The following SLC29A3 variants were observed in gnomAD, a reference collection of about 807,000 sequenced individuals.
SLC29A3 encodes equilibrative nucleoside transporter 3.
A neutral mutation model predicts 25.4 loss-of-function variants in SLC29A3; 18 were observed. The ratio of observed to expected loss-of-function variants is 0.71; its 90% CI spans 0.49 to 1.05. The LOEUF is 1.05. SLC29A3 is among the 50% of genes least tolerant of loss of function. The pLI is 0.00. For missense variants in SLC29A3, 586 were observed against 609.0 expected (o/e 0.96, Z 0.40); for synonymous variants, 258 against 267.1 (o/e 0.97, Z 0.33).
chr10:71,326,693 G>A (rs970232322), intron 2 of SLC29A3, among the ~76,000 whole-genome samples: 38 of 152,242 alleles, frequency 2.5e-4, no homozygotes, highest in South Asian at 1.4e-3. Flanking sequence ...CCCTCGCCTC[G>A]TGTACTGCTT....
chr10:71,336,558 A>G (rs901033674), intron 2 of SLC29A3, among the ~76,000 whole-genome samples: 25 of 151,900 alleles, frequency 1.6e-4, no homozygotes, highest in African/African-American at 5.6e-4. Context: ...TCCTGGAGGC[A>G]GCAAAGTTAA....
chr10:71,356,329 C>T (rs1250469726), intron 5 of SLC29A3, 86 bp downstream of exon 5: 1 of 1,515,886 alleles, frequency 6.6e-7, no homozygotes, highest in African/African-American at 1.4e-5. Flanking sequence ...TCTATGCTGG[C>T]TTCTTTGTCT....
At chr10:71,333,994 C>T (rs1039828628) in intron 2 of SLC29A3, among the ~76,000 whole-genome samples, 5 of 152,300 alleles carry the variant, frequency 3.3e-5, no homozygotes, top group East Asian at 1.9e-4. Flanking sequence ...AAGGCTTGGC[C>T]GAGGCAGGGT....
chr10:71,377,373 G>C (rs1342317853), intron 4 of SLC29A3, among the ~76,000 whole-genome samples: 1 of 152,242 alleles, frequency 6.6e-6, no homozygotes, highest in African/African-American at 2.4e-5. Flanking sequence ...TGGCTATGCC[G>C]AGCCCGCCGC....
At chr10:71,360,536 G>A (rs12243650) in intron 5 of SLC29A3, among the ~76,000 whole-genome samples, 5 of 152,364 alleles carry the variant, frequency 3.3e-5, no homozygotes, top group Admixed American at 3.3e-4. Flanking sequence ...GCCTCTGGTA[G>A]AGATGAACAG....
chr10:71,365,431 G>C (rs900035088), downstream of SLC29A3: 1 of 144,264 alleles, frequency 6.9e-6, no homozygotes, highest in African/African-American at 2.5e-5. Context: ...ATCTCCATTA[G>C]AGAGATGATT....
chr10:71,371,659 CTA>C (rs1564546522), intron 3 of SLC29A3, among the ~76,000 whole-genome samples: 2 of 152,300 alleles, frequency 1.3e-5, no homozygotes, highest in Admixed American at 6.5e-5. Context: ...AACCCCGACT[CTA>C]TGTCTTATTA....
chr10:71,363,346 G>A lies in SLC29A3; in HGVS notation c.*738G>A. The A allele has an allele frequency of 2.2e-6, 1 of 454,140 alleles. No individual in the cohort carries two copies. Among genetic ancestry groups the A allele is most frequent in the Non-Finnish European group, 4.4e-6 (1 of 226,802 alleles). The allele number at this position is 454,140 out of a possible 1,614,324, so 28.1% of individuals were successfully genotyped here. On this transcript the variant is annotated 3_prime_UTR_variant, in exon 6 of 6. Coordinates refer to ENST00000373189, the MANE Select transcript of SLC29A3 (RefSeq NM_018344.6). Reference sequence around the variant, plus strand: ...GTGTTCCTGTTTACAACATGTCAAAGCCATTGGTTCAAGGGCGTAATAAAT... The same window carrying A: ...GTGTTCCTGTTTACAACATGTCAAAACCATTGGTTCAAGGGCGTAATAAAT...
At chr10:71,377,805 G>T (rs1589249057) in intron 4 of SLC29A3, among the ~76,000 whole-genome samples, 1 of 152,144 alleles carries the variant, frequency 6.6e-6, no homozygotes. Flanking sequence ...ACTTACTGTC[G>T]GCCTGGCTCT....
intron 5 of SLC29A3, among the ~76,000 whole-genome samples, chr10:71,356,642 C>T (rs925691504): frequency 9.9e-5 from 15 of 152,006 alleles, no homozygotes; most frequent in Non-Finnish European, 1.9e-4. Context: ...TTCTGGGCAA[C>T]ACAGTGAGAC....
Position 71,330,828 on chromosome 10 carries a change from G to A in SLC29A3, c.300+7774G>A, listed in dbSNP as rs141083805. Among the ~76,000 whole-genome samples, 207 of 150,904 alleles carry A rather than the reference G, an allele frequency of 1.4e-3. 1 individual carries two copies. Among genetic ancestry groups the A allele is most frequent in the Middle Eastern group, 6.9e-3 (2 of 290 alleles). ...CAATATTTATTAAGCAATCTACTGT[G>A]TACTAGAAGCTTTTTTTTTCATGAT... On this transcript the variant is annotated intron_variant, in intron 2 of 5. Transcript: ENST00000373189.
intron 2 of SLC29A3, among the ~76,000 whole-genome samples, chr10:71,324,613 C>T (rs1012269624): frequency 2.6e-5 from 4 of 152,140 alleles, no homozygotes; most frequent in African/African-American, 9.7e-5. Flanking sequence ...CAAACAAATG[C>T]TGATGGAAAA....
chr10:71,320,152 G>T (rs907354273), intron 1 of SLC29A3, among the ~76,000 whole-genome samples: 6 of 152,212 alleles, frequency 3.9e-5, no homozygotes, highest in Non-Finnish European at 7.3e-5. Context: ...ACAAATAGAC[G>T]CTAGGAACTG....
chr10:71,339,031 T>C (rs1406201100), intron 2 of SLC29A3, among the ~76,000 whole-genome samples: 1 of 152,198 alleles, frequency 6.6e-6, no homozygotes, highest in Non-Finnish European at 1.5e-5. Flanking sequence ...ATGATAAATA[T>C]GTCTCCACCC....
intron 4 of SLC29A3, among the ~76,000 whole-genome samples, chr10:71,378,297 A>C (rs979140328): frequency 6.6e-6 from 1 of 152,220 alleles, no homozygotes; most frequent in African/African-American, 2.4e-5. Context: ...TCCTTCAGTC[A>C]GATGTCAAAC....
chr10:71,330,090 C>G (rs917933790), intron 2 of SLC29A3, among the ~76,000 whole-genome samples: 1 of 152,326 alleles, frequency 6.6e-6, no homozygotes, highest in African/African-American at 2.4e-5. Flanking sequence ...CCCGCAAGCC[C>G]ACAGTTCCAC....
At chr10:71,349,592 T>G (rs914192544) in intron 3 of SLC29A3, among the ~76,000 whole-genome samples, 1 of 152,064 alleles carries the variant, frequency 6.6e-6, no homozygotes, top group Non-Finnish European at 1.5e-5. Flanking sequence ...GTGGGCAACC[T>G]GGCTGACCAC....
chr10:71,360,536 G>T (rs12243650), intron 5 of SLC29A3, among the ~76,000 whole-genome samples: 1 of 152,246 alleles, frequency 6.6e-6, no homozygotes, highest in Non-Finnish European at 1.5e-5. Context: ...GCCTCTGGTA[G>T]AGATGAACAG....
intron 2 of SLC29A3, among the ~76,000 whole-genome samples, chr10:71,327,497 A>G (rs935197981): frequency 2.0e-5 from 3 of 152,166 alleles, no homozygotes; most frequent in Non-Finnish European, 2.9e-5. Flanking sequence ...GGGGTATTGC[A>G]TGTGTTGTTT....
Sources: gnomAD v4.1 joint callset for allele counts (sites outside exome capture counted in the v4.1 genomes callset) on GRCh38, gnomAD v4.1.1 for gene constraint, MANE v1.5 for transcripts, NCBI Gene and HGNC (gene_info 2026-07-23, HGNC 2026-07-21) for gene names.